Variants in HMGCLL1 observed in about 807,000 individuals in gnomAD.
HMGCLL1 encodes the protein 3-hydroxymethyl-3-methylglutaryl-CoA lyase, cytoplasmic.
A neutral mutation model predicts 39.1 loss-of-function variants in HMGCLL1; 36 were observed. That is an observed-to-expected ratio of 0.92 (90% CI 0.71 to 1.22). The LOEUF is 1.22. Among genes scored for constraint, HMGCLL1 ranks in the 50% most tolerant of loss-of-function variants. HMGCLL1 has a pLI of 0.00. For missense variants in HMGCLL1, 451 were observed against 416.5 expected, an observed-to-expected ratio of 1.08 and a Z score of -0.72; for synonymous variants, 149 against 144.0, an observed-to-expected ratio of 1.03 and a Z score of -0.25.
intron 7 of HMGCLL1, among the ~76,000 whole-genome samples, chr6:55,491,164 C>G (rs576694361): frequency 2.6e-5 from 4 of 152,248 alleles, no homozygotes; most frequent in Admixed American, 2.6e-4. Context: ...AGAGGTTTAT[C>G]TGGCTAGTAA....
the HMGCLL1 span, among the ~76,000 whole-genome samples, chr6:55,608,176 A>G: frequency 6.6e-6 from 1 of 152,304 alleles, no homozygotes; most frequent in African/African-American, 2.4e-5. Flanking sequence ...GCCAACTAGA[A>G]CCTACTGCTA....
chr6:55,469,279 AT>A (rs1008541021), intron 7 of HMGCLL1, among the ~76,000 whole-genome samples: 3 of 150,286 alleles, frequency 2.0e-5, no homozygotes, highest in Non-Finnish European at 3.0e-5. Flanking sequence ...TGGAAGTACA[AT>A]TTTTTTTGCT....
rs747341972 is a variant in HMGCLL1, at chr6:55,542,070, T to C, written c.179A>G (p.Gln60Arg). 4.4e-6 allele frequency: 7 copies of C among 1,599,846 alleles called. No individual in the cohort carries two copies. Among genetic ancestry groups the C allele is most frequent in the Non-Finnish European group, 6.0e-6 (7 of 1,168,622 alleles). ...ATGATGTAAAACTACCTTTTCATTC[T>C]GCAATCCATCCCTAGGCCCAACTTC... The part of the protein sequence containing the change: ...IVEVGPRDGL[Q>R]NEKVIVPTDI... The change falls in exon 2 of 9, where the codon CAG becomes CGG. Residue 60 changes from glutamine (Q) to arginine (R), a missense_variant. Coordinates refer to ENST00000274901, the MANE Select transcript of HMGCLL1 (RefSeq NM_001042406.2).
At chr6:55,543,593 TA>T (rs1187154593) in intron 1 of HMGCLL1, among the ~76,000 whole-genome samples, 57 of 76,108 alleles carry the variant, frequency 7.5e-4, no homozygotes, top group African/African-American at 8.2e-4. Flanking sequence ...TTTATATATA[TA>T]TATTTTTTTG....
chr6:55,623,489 A>C, the HMGCLL1 span, among the ~76,000 whole-genome samples: 1 of 151,586 alleles, frequency 6.6e-6, no homozygotes, highest in Non-Finnish European at 1.5e-5. Context: ...TTCTTTCTTA[A>C]CTTCTTCATT....
chr6:55,576,883 G>A (rs555929926), intron 1 of HMGCLL1, among the ~76,000 whole-genome samples: 2 of 152,192 alleles, frequency 1.3e-5, no homozygotes, highest in Non-Finnish European at 2.9e-5. Context: ...GTTTGAGTTT[G>A]AGTTGCTTTT....
At chr6:55,566,730 C>G (rs1581958111) in intron 1 of HMGCLL1, 1 of 438,754 alleles carries the variant, frequency 2.3e-6, no homozygotes, top group African/African-American at 2.0e-5. Context: ...AATCTAATTT[C>G]TCTGATCTTT....
At chr6:55,594,360 T>G in the HMGCLL1 span, among the ~76,000 whole-genome samples, 1 of 152,310 alleles carries the variant, frequency 6.6e-6, no homozygotes, top group Non-Finnish European at 1.5e-5. Flanking sequence ...TGTCCTCTAC[T>G]GTTCAGAATT....
chr6:55,494,076 T>C (rs1361130959), intron 7 of HMGCLL1, among the ~76,000 whole-genome samples: 1 of 152,138 alleles, frequency 6.6e-6, no homozygotes, highest in Non-Finnish European at 1.5e-5. Flanking sequence ...CAATTACTTC[T>C]TCAGATAGGC....
intron 8 of HMGCLL1, among the ~76,000 whole-genome samples, chr6:55,438,431 AC>A (rs1763457347): frequency 6.6e-6 from 1 of 152,054 alleles, no homozygotes. Flanking sequence ...TAATTATATA[AC>A]CTTGTGGTAA....
the HMGCLL1 span, among the ~76,000 whole-genome samples, chr6:55,631,971 GT>G: frequency 6.6e-6 from 1 of 152,178 alleles, no homozygotes; most frequent in Non-Finnish European, 1.5e-5. Context: ...TTTCTGGAAA[GT>G]TTTTCTGAAA....
chr6:55,438,017 G>A (rs1423220387), intron 8 of HMGCLL1, among the ~76,000 whole-genome samples: 1 of 151,938 alleles, frequency 6.6e-6, no homozygotes, highest in Non-Finnish European at 1.5e-5. Flanking sequence ...AGCAACCCTT[G>A]GATGTTGAAA....
At chr6:55,458,685 A>G (rs1316375847) in intron 7 of HMGCLL1, among the ~76,000 whole-genome samples, 1 of 152,236 alleles carries the variant, frequency 6.6e-6, no homozygotes, top group Non-Finnish European at 1.5e-5. Flanking sequence ...GTGTCTTATG[A>G]ATAAGTATTT....
chr6:55,545,181 G>T (rs1211295814), intron 1 of HMGCLL1, among the ~76,000 whole-genome samples: 2 of 141,146 alleles, frequency 1.4e-5, no homozygotes, highest in Non-Finnish European at 3.0e-5. Context: ...CATGGCAGAA[G>T]AGTTTTCTTT....
chr6:55,489,405 C>A (rs1362555793), intron 7 of HMGCLL1, among the ~76,000 whole-genome samples: 1 of 151,036 alleles, frequency 6.6e-6, no homozygotes, highest in Non-Finnish European at 1.5e-5. Context: ...ATCTCTTATG[C>A]CAAGGGAAGA....
chr6:55,592,056 T>C, the HMGCLL1 span, among the ~76,000 whole-genome samples: 2 of 151,964 alleles, frequency 1.3e-5, no homozygotes, highest in African/African-American at 2.4e-5. Flanking sequence ...TTTTTGCTCA[T>C]TCACTTAAAG....
chr6:55,662,607 G>C, the HMGCLL1 span, among the ~76,000 whole-genome samples: 1 of 151,738 alleles, frequency 6.6e-6, no homozygotes, highest in South Asian at 2.1e-4. Flanking sequence ...GAAATTTTTT[G>C]CATCGATGTT....
intron 7 of HMGCLL1, among the ~76,000 whole-genome samples, chr6:55,446,425 A>G (rs558814067): frequency 1.5e-4 from 23 of 151,770 alleles, no homozygotes; most frequent in African/African-American, 5.3e-4. Context: ...CTATTAACTC[A>G]ATGGCCCAGG....
At chr6:55,544,381 A>G (rs1438702385) in intron 1 of HMGCLL1, among the ~76,000 whole-genome samples, 2 of 152,158 alleles carry the variant, frequency 1.3e-5, no homozygotes, top group African/African-American at 2.4e-5. Context: ...GACTGTACCA[A>G]CATAATCTCT....
Sources: gnomAD v4.1 joint callset for allele counts (sites outside exome capture counted in the v4.1 genomes callset) on GRCh38, gnomAD v4.1.1 for gene constraint, MANE v1.5 for transcripts, NCBI Gene and HGNC (gene_info 2026-07-23, HGNC 2026-07-21) for gene names.